The following DZIP3 variants were observed in gnomAD, a reference collection of about 807,000 sequenced individuals.
DZIP3 encodes the protein DAZ interacting zinc finger protein 3, also known as E3 ubiquitin-protein ligase DZIP3.
A neutral mutation model predicts 162.0 loss-of-function variants in DZIP3; 118 were observed. The ratio of observed to expected loss-of-function variants is 0.73; its 90% CI spans 0.63 to 0.85. The LOEUF is 0.85. Among genes scored for constraint, DZIP3 ranks in the 40% least tolerant of loss-of-function variants. The pLI is 0.00. For missense variants in DZIP3, 1,331 were observed against 1,407.0 expected (o/e 0.95, Z 0.86); for synonymous variants, 438 against 458.6 (o/e 0.96, Z 0.57).
chr3:108,607,349 T>A (rs953458883), intron 2 of DZIP3, among the ~76,000 whole-genome samples: 4 of 152,188 alleles, frequency 2.6e-5, no homozygotes, highest in African/African-American at 9.6e-5. Flanking sequence ...ATTTATAAAG[T>A]ACAATTCTGA....
intron 17 of DZIP3, among the ~76,000 whole-genome samples, chr3:108,650,360 T>G (rs556078881): frequency 6.6e-6 from 1 of 151,870 alleles, no homozygotes; most frequent in Admixed American, 6.6e-5. Context: ...GTACTGGATA[T>G]TAAGCATAAG....
At chr3:108,679,746 C>G (rs928611644) in intron 26 of DZIP3, among the ~76,000 whole-genome samples, 1 of 152,092 alleles carries the variant, frequency 6.6e-6, no homozygotes, top group Non-Finnish European at 1.5e-5. Context: ...GATTTCCCAT[C>G]AGTGAATTAG....
chr3:108,656,805 G>A (rs570064439), intron 19 of DZIP3, among the ~76,000 whole-genome samples: 1 of 152,264 alleles, frequency 6.6e-6, no homozygotes, highest in Admixed American at 6.5e-5. Flanking sequence ...AGGACCTGAT[G>A]GAGCTGAAAA....
At position 108,644,686 on chromosome 3, in the gene DZIP3, T is replaced by C. The variant is rs1467265265; in HGVS notation, c.1664T>C (p.Ile555Thr). 9.3e-6 allele frequency: 15 copies of C among 1,613,608 alleles called. No homozygotes were observed. The highest frequency in any genetic ancestry group is 1.3e-5 in the African/African-American group (1 of 74,944). Reference sequence around the variant, plus strand: ...ATTGACAAAGTGAAGGAGAATCCCATTGAGAATATCTCCCTTGATTACCAT... The same window carrying C: ...ATTGACAAAGTGAAGGAGAATCCCACTGAGAATATCTCCCTTGATTACCAT... ...EDIDKVKENP[I>T]ENISLDYHQL... The change falls in exon 14 of 33, where the codon ATT becomes ACT. Residue 555 changes from isoleucine to threonine, a missense_variant. Physicochemically the swap from Ile to Thr is moderately conservative, Grantham distance 89. Transcript: ENST00000361582.
At chr3:108,681,365 CAG>C (rs1253415561) in intron 26 of DZIP3, among the ~76,000 whole-genome samples, 1 of 152,086 alleles carries the variant, frequency 6.6e-6, no homozygotes, top group Non-Finnish European at 1.5e-5. Context: ...AAATGCAAAT[CAG>C]AACCACAATG....
Position 108,633,046 on chromosome 3 carries a change from G to T in DZIP3, c.790G>T (p.Asp264Tyr). ...AGATTGTGAACGATCTTGTGAAGCT[G>T]ACATTTTGAAGAACACCAGTTATAA... ...YLDCERSCEA[D>Y]ILKNTSYKGF... Residue 264 changes from aspartate to tyrosine, a missense_variant, in exon 9 of 33, where the codon GAC becomes TAC. Around this residue, in one of 2 missense-constraint regions of DZIP3, gnomAD observed 1,278 missense variants for 1,317.1 expected, o/e 0.97. Transcript: ENST00000361582. The T allele has an allele frequency of 6.8e-7, 1 of 1,477,978 alleles. No homozygotes were observed. Among genetic ancestry groups the T allele is most frequent in the South Asian group, 1.6e-5 (1 of 62,172 alleles). 91.6% of individuals were successfully genotyped at this position (1,477,978 alleles called of 1,614,324 possible). A position where few individuals can be genotyped will look rare whatever the true frequency, so the allele number is the denominator to read the frequency against.
chr3:108,680,469 A>G (rs565470473), intron 26 of DZIP3, among the ~76,000 whole-genome samples: 2 of 152,254 alleles, frequency 1.3e-5, no homozygotes, highest in South Asian at 4.1e-4. Context: ...AACATACAAG[A>G]ATCAATAGCA....
chr3:108,648,365 G>GT (rs1576413615), intron 16 of DZIP3: 2 of 289,780 alleles, frequency 6.9e-6, no homozygotes, highest in South Asian at 1.3e-4. Flanking sequence ...ACTGTAATAT[G>GT]TTTTTTTAAT....
In DZIP3 at chr3:108,687,886, G is replaced by A. The variant is rs1045491159; in HGVS notation, c.3150-90G>A. On this transcript the variant is annotated intron_variant, in intron 28 of 32. Transcript: ENST00000361582. ...TCTGTATGCTACATATCAATCATGCGATAGGATTTTATATCTCCTTTGGTG... is the reference window on the plus strand; with the variant it reads ...TCTGTATGCTACATATCAATCATGCAATAGGATTTTATATCTCCTTTGGTG... The A allele has an allele frequency of 1.2e-5, 19 of 1,542,432 alleles. No homozygotes were observed. In the Admixed American group the frequency reaches 2.1e-4, roughly 17 times the overall value.
In DZIP3 at chr3:108,634,853, A is replaced by C. The variant is rs768965325; in HGVS notation, c.817-18A>C. 12 of 1,538,770 alleles carry C rather than the reference A, an allele frequency of 7.8e-6. No homozygotes were observed. The highest frequency in any genetic ancestry group is 1.1e-5 in the Non-Finnish European group (12 of 1,119,124). On this transcript the variant is annotated intron_variant, in intron 9 of 32. Coordinates refer to ENST00000361582, the MANE Select transcript of DZIP3 (RefSeq NM_014648.4). ...ATCACCATGTCCTTATTGATAACTT[A>C]CTTTTATTTTTTTCCAGGGATTTTT...
At chr3:108,648,554 A>T (rs1397668810) in intron 16 of DZIP3, 1 of 167,996 alleles carries the variant, frequency 6.0e-6, no homozygotes, top group East Asian at 1.8e-4. Flanking sequence ...AACAGTTATT[A>T]TATAGTCACT....
intron 18 of DZIP3, among the ~76,000 whole-genome samples, chr3:108,651,526 G>T (rs1942866365): frequency 6.6e-6 from 1 of 151,484 alleles, no homozygotes; most frequent in African/African-American, 2.4e-5. Flanking sequence ...TCACTCCTAG[G>T]TTTGTAGCCT....
chr3:108,626,664 C>T (rs1196943972), intron 7 of DZIP3, among the ~76,000 whole-genome samples: 2 of 152,102 alleles, frequency 1.3e-5, no homozygotes, highest in Admixed American at 6.5e-5. Flanking sequence ...GTTGAGGTTA[C>T]AGTGGTTTAC....
intron 26 of DZIP3, among the ~76,000 whole-genome samples, chr3:108,679,789 C>T (rs569192656): frequency 2.9e-4 from 44 of 152,140 alleles, no homozygotes; most frequent in Non-Finnish European, 4.1e-4. Flanking sequence ...TCACTCAAGT[C>T]CCATCTATTT....
At chr3:108,622,609 C>G (rs950973868) in intron 5 of DZIP3, among the ~76,000 whole-genome samples, 1 of 152,088 alleles carries the variant, frequency 6.6e-6, no homozygotes. Flanking sequence ...ACCTGTCCTT[C>G]TTGGGAAGTC....
Position 108,657,849 on chromosome 3 carries a change from G to C in DZIP3, c.2199+3539G>C, listed in dbSNP as rs1943211493. Reference sequence around the variant, plus strand: ...GGCAGGGGTTGCAATCCTAGTCTCTGATAAAACAGACTTTAAACCAACAAA... The same window carrying C: ...GGCAGGGGTTGCAATCCTAGTCTCTCATAAAACAGACTTTAAACCAACAAA... On this transcript the variant is annotated intron_variant, in intron 19 of 32. Transcript: ENST00000361582. Among the ~76,000 whole-genome samples the C allele has an allele frequency of 3.3e-5, 5 of 152,252 alleles. No homozygotes were observed. The South Asian group carries it at 8.3e-4, about 25-fold the overall frequency.
At chr3:108,663,867 A>G (rs979537573) in intron 21 of DZIP3, among the ~76,000 whole-genome samples, 3 of 152,236 alleles carry the variant, frequency 2.0e-5, no homozygotes, top group African/African-American at 7.2e-5. Flanking sequence ...TAGAAAACTT[A>G]TGGAAGGCAC....
intron 25 of DZIP3, among the ~76,000 whole-genome samples, 196 bp from the exon 26 acceptor site, chr3:108,677,301 A>T (rs1200923945): frequency 6.6e-6 from 1 of 151,836 alleles, no homozygotes; most frequent in Non-Finnish European, 1.5e-5. Context: ...GACTCCTAAA[A>T]ATACAACTGT....
intron 1 of DZIP3, among the ~76,000 whole-genome samples, chr3:108,596,548 G>A (rs1040687726): frequency 3.3e-5 from 5 of 152,146 alleles, no homozygotes; most frequent in Non-Finnish European, 7.4e-5. Context: ...CTGTCTTGAC[G>A]CCATGGTTGC....
Sources: gnomAD v4.1 joint callset for allele counts (sites outside exome capture counted in the v4.1 genomes callset) on GRCh38, gnomAD v4.1.1 for gene constraint, gnomAD v4.1.1 regional missense constraint, MANE v1.5 for transcripts, NCBI Gene and HGNC (gene_info 2026-07-23, HGNC 2026-07-21) for gene names.